The following FAAH2 variants were observed in gnomAD, a reference collection of about 807,000 sequenced individuals.
FAAH2 encodes the protein fatty-acid amide hydrolase 2.
FAAH2 carries 60 observed loss-of-function variants against 36.9 expected under a neutral mutation model. That is an observed-to-expected ratio of 1.63 (90% CI 1.32 to 2.02). FAAH2 has a LOEUF of 2.02. Ranked by LOEUF, FAAH2 falls within the 30% of genes most tolerant of loss-of-function variation. FAAH2 has a pLI of 0.00. For missense variants in FAAH2, 689 were observed against 397.5 expected, an observed-to-expected ratio of 1.73 and a Z score of -6.23; for synonymous variants, 214 against 143.8, an observed-to-expected ratio of 1.49 and a Z score of -3.49.
At chrX:57,462,809 G>A (rs1027047601) in intron 10 of FAAH2, among the ~76,000 whole-genome samples, 1 of 112,168 alleles carries the variant, frequency 8.9e-6, no homozygotes, top group African/African-American at 3.2e-5. Context: ...TTCTGGCCAG[G>A]CCAATCTGGC....
At chrX:57,390,688 G>A (rs2055144441) in intron 7 of FAAH2, among the ~76,000 whole-genome samples, 1 of 111,244 alleles carries the variant, frequency 9.0e-6, no homozygotes, top group Non-Finnish European at 1.9e-5. Flanking sequence ...AGTATTCTGT[G>A]GTGTTTATAT....
chrX:57,287,033 A>C lies in FAAH2; in HGVS notation c.192+16A>C. On this transcript the variant is annotated intron_variant, in intron 1 of 10. Transcript: ENST00000374900. ...ACAGAGAAAGGTGAGAATGCAATTC[A>C]GAAGAGGCTGGAGGGACAGGTCTTT... The C allele has an allele frequency of 8.6e-7, 1 of 1,160,862 alleles. No homozygotes were observed. Among genetic ancestry groups the C allele is most frequent in the Non-Finnish European group, 1.2e-6 (1 of 867,091 alleles).
chrX:57,265,702 A>G, the FAAH2 span, among the ~76,000 whole-genome samples: 3 of 112,118 alleles, frequency 2.7e-5, no homozygotes, highest in African/African-American at 9.7e-5. Flanking sequence ...TTCCATGGGA[A>G]AGAGCTCCCA....
chrX:57,452,676 A>G (rs2056806069), intron 10 of FAAH2, among the ~76,000 whole-genome samples: 1 of 112,253 alleles, frequency 8.9e-6, no homozygotes, highest in Admixed American at 9.5e-5. Flanking sequence ...TATAAATAAG[A>G]ATGAACATCC....
At chrX:57,174,776 G>T in the FAAH2 span, among the ~76,000 whole-genome samples, 11 of 111,368 alleles carry the variant, frequency 9.9e-5, no homozygotes, top group Non-Finnish European at 2.1e-4. Context: ...GATAACTTGT[G>T]TCACTGTTAT....
chrX:57,226,618 C>A, the FAAH2 span, among the ~76,000 whole-genome samples: 5 of 111,735 alleles, frequency 4.5e-5, no homozygotes, highest in African/African-American at 3.3e-5. Context: ...AACCTGATGA[C>A]AATGTGCCTA....
At chrX:57,328,620 G>A in intron 3 of FAAH2, among the ~76,000 whole-genome samples, 1 of 111,840 alleles carries the variant, frequency 8.9e-6, no homozygotes, top group Non-Finnish European at 1.9e-5. Context: ...TTGTGTGGAG[G>A]AAGGAAAACA....
the FAAH2 span, among the ~76,000 whole-genome samples, chrX:57,152,768 C>T: frequency 9.0e-6 from 1 of 111,445 alleles, no homozygotes; most frequent in Non-Finnish European, 1.9e-5. Flanking sequence ...GTGTGCTGCA[C>T]CCACTGTCCT....
intron 10 of FAAH2, among the ~76,000 whole-genome samples, chrX:57,450,768 A>G (rs2056768720): frequency 9.0e-6 from 1 of 111,229 alleles, no homozygotes; most frequent in Non-Finnish European, 1.9e-5. Flanking sequence ...TGCTAGATTG[A>G]CTTTGAAGGA....
chrX:57,482,122 C>G, intron 10 of FAAH2, among the ~76,000 whole-genome samples: 1 of 111,670 alleles, frequency 9.0e-6, no homozygotes, highest in African/African-American at 3.3e-5. Flanking sequence ...TAACCTCAGA[C>G]TGTTGTGCTG....
the FAAH2 span, among the ~76,000 whole-genome samples, chrX:57,179,082 A>C: frequency 8.9e-6 from 1 of 111,748 alleles, no homozygotes; most frequent in Non-Finnish European, 1.9e-5. Flanking sequence ...GAGGGAATTC[A>C]TTACCTCCAG....
At chrX:57,283,596 A>T (rs1327948985), upstream of FAAH2, among the ~76,000 whole-genome samples, 4 of 111,051 alleles carry the variant, frequency 3.6e-5, no homozygotes, top group African/African-American at 1.3e-4. Flanking sequence ...CCACTAGCAG[A>T]GGGAATGCTC....
intron 5 of FAAH2, among the ~76,000 whole-genome samples, chrX:57,343,398 C>A (rs1345491943): frequency 6.3e-5 from 7 of 111,365 alleles, no homozygotes; most frequent in Non-Finnish European, 9.5e-5. Flanking sequence ...TTATAGGTTT[C>A]TTGGCTGCTT....
At chrX:57,142,204 T>C in the FAAH2 span, among the ~76,000 whole-genome samples, 12 of 112,351 alleles carry the variant, frequency 1.1e-4, no homozygotes, top group Non-Finnish European at 3.8e-5. Flanking sequence ...AGGTTGTTTA[T>C]TTGAAGTTTT....
intron 10 of FAAH2, among the ~76,000 whole-genome samples, chrX:57,466,156 C>CTCTCTCTA (rs1287266105): frequency 2.6e-3 from 174 of 66,384 alleles, no homozygotes; most frequent in African/African-American, 8.3e-3. Flanking sequence ...CTCTCTCTCT[C>CTCTCTCTA]TATATATATA....
chrX:57,443,564 T>C (rs2056609890), intron 8 of FAAH2, among the ~76,000 whole-genome samples: 1 of 111,997 alleles, frequency 8.9e-6, no homozygotes, highest in African/African-American at 3.2e-5. Flanking sequence ...GATCCTCCTT[T>C]AGCTTGGAGA....
At chrX:57,247,754 G>A in the FAAH2 span, among the ~76,000 whole-genome samples, 4 of 111,907 alleles carry the variant, frequency 3.6e-5, no homozygotes, top group Non-Finnish European at 7.5e-5. Flanking sequence ...CATCTCATCA[G>A]CCAGGACAAA....
intron 2 of FAAH2, among the ~76,000 whole-genome samples, chrX:57,301,805 C>T (rs2052380639): frequency 9.0e-6 from 1 of 111,199 alleles, no homozygotes; most frequent in South Asian, 3.8e-4. Flanking sequence ...TGGCATGGAC[C>T]ATATCTTTTT....
the FAAH2 span, among the ~76,000 whole-genome samples, chrX:57,152,774 G>C: frequency 4.5e-5 from 5 of 111,399 alleles, no homozygotes; most frequent in Non-Finnish European, 9.4e-5. Flanking sequence ...TGCACCCACT[G>C]TCCTGCACCC....
Sources: allele counts gnomAD v4.1 joint callset (sites outside exome capture counted in the v4.1 genomes callset), GRCh38; gene constraint gnomAD v4.1.1; transcripts MANE v1.5; gene names NCBI Gene and HGNC (gene_info 2026-07-23, HGNC 2026-07-21).